The following EVA1A variants were observed in gnomAD, a reference collection of about 807,000 sequenced individuals.
The protein encoded by EVA1A is protein eva-1 homolog A.
In EVA1A, 7 loss-of-function variants were observed where a neutral mutation model predicts 9.8. The observed-to-expected ratio is 0.71, with a 90% confidence interval of 0.41 to 1.34. The LOEUF is 1.34. EVA1A is among the 40% of genes most tolerant of loss of function. The probability of loss-of-function intolerance (pLI) is 0.01; values close to 1 mark genes in which losing one functional copy is unlikely to be tolerated. For missense variants in EVA1A, 206 were observed against 205.9 expected (o/e 1.00, Z 0.00); for synonymous variants, 90 against 85.6 (o/e 1.05, Z -0.28).
chr2:75,523,392 A>G (rs1421234961), intron 1 of EVA1A, among the ~76,000 whole-genome samples: 1 of 152,234 alleles, frequency 6.6e-6, no homozygotes, highest in Admixed American at 6.5e-5. Context: ...GGTGAAAACT[A>G]TCAGGCACTG....
intron 3 of EVA1A, among the ~76,000 whole-genome samples, chr2:75,499,083 T>G (rs1310469460): frequency 6.6e-6 from 1 of 152,216 alleles, no homozygotes; most frequent in African/African-American, 2.4e-5. Flanking sequence ...TTATCTAGAT[T>G]CTAGATCAAC....
At chr2:75,518,546 A>C (rs1207264749) in intron 2 of EVA1A, 2 of 961,574 alleles carry the variant, frequency 2.1e-6, no homozygotes, top group African/African-American at 3.5e-5. Flanking sequence ...CTGGCTTTCA[A>C]GGAAGTAGAA....
intron 1 of EVA1A, among the ~76,000 whole-genome samples, chr2:75,546,780 A>C (rs935754323): frequency 1.3e-5 from 2 of 152,162 alleles, no homozygotes; most frequent in South Asian, 4.1e-4. Context: ...TAATCAAATT[A>C]AGACAAAGGC....
In EVA1A at chr2:75,543,237, T is replaced by C. The variant is rs145177768; in HGVS notation, c.-192+17443A>G. ...GCTGACAGACTTGTGGATCCTTAAT[T>C]CAGGACATTTTAAAAAGGCAATCAC... On this transcript the variant is annotated intron_variant, in intron 1 of 3. Transcript: ENST00000393913. Among the ~76,000 whole-genome samples the C allele has an allele frequency of 3.6e-3, 550 of 152,246 alleles. 5 individuals carry two copies. Among genetic ancestry groups the C allele is most frequent in the African/African-American group, 0.013 (531 of 41,532 alleles).
chr2:75,532,003 C>A (rs1675670901), intron 1 of EVA1A, among the ~76,000 whole-genome samples: 1 of 151,582 alleles, frequency 6.6e-6, no homozygotes, highest in East Asian at 1.9e-4. Context: ...ACTAAAAATA[C>A]AAAAAAATTA....
intron 3 of EVA1A, among the ~76,000 whole-genome samples, chr2:75,516,788 TA>T (rs1236310271): frequency 6.6e-6 from 1 of 152,256 alleles, no homozygotes; most frequent in African/African-American, 2.4e-5. Flanking sequence ...ACTACAGAGC[TA>T]AGGAAATTAT....
chr2:75,497,348 T>C (rs2103772577), intron 3 of EVA1A, among the ~76,000 whole-genome samples: 1 of 151,986 alleles, frequency 6.6e-6, no homozygotes, highest in African/African-American at 2.4e-5. Flanking sequence ...AAAAAATAAC[T>C]CTATTACAAA....
At chr2:75,569,352 C>G (rs1044479171) in intron 1 of EVA1A, 1 of 152,612 alleles carries the variant, frequency 6.6e-6, no homozygotes, top group Non-Finnish European at 1.5e-5. Flanking sequence ...TTAAAGTCCC[C>G]CATGGCTGCC....
In EVA1A at chr2:75,517,709, CATAGA is replaced by C. The variant is rs1336923576; in HGVS notation, c.85+342_85+346del. 1.9e-4 allele frequency: 133 copies of C among 690,324 alleles called. No homozygotes were observed. The African/African-American group carries it at 2.2e-3, about 11-fold the overall frequency. 42.8% of individuals were successfully genotyped at this position (690,324 alleles called of 1,614,324 possible). A position where few individuals can be genotyped will look rare whatever the true frequency, so the allele number is the denominator to read the frequency against. ...CAGGCAGCCTGTGTGAGGTTAACTG[CATAGA>C]ATAACCAGGCTGAGGTACTCCATCA... is the stretch of plus-strand genomic sequence containing the variant. On this transcript the variant is annotated intron_variant, in intron 3 of 3. Coordinates refer to ENST00000393913, the MANE Select transcript of EVA1A (RefSeq NM_001135032.2).
intron 1 of EVA1A, among the ~76,000 whole-genome samples, chr2:75,557,515 T>C (rs1676758106): frequency 6.6e-6 from 1 of 152,216 alleles, no homozygotes; most frequent in Non-Finnish European, 1.5e-5. Flanking sequence ...GCTGGTGGCA[T>C]TTATTCATCC....
At chr2:75,533,753 T>C (rs556294294) in intron 1 of EVA1A, among the ~76,000 whole-genome samples, 2 of 151,110 alleles carry the variant, frequency 1.3e-5, no homozygotes, top group African/African-American at 4.9e-5. Context: ...CTGGGCAACA[T>C]GGTGAGACCC....
intron 3 of EVA1A, among the ~76,000 whole-genome samples, chr2:75,503,775 A>T (rs1674513195): frequency 1.3e-5 from 2 of 152,182 alleles, no homozygotes; most frequent in Admixed American, 1.3e-4. Context: ...AGGTGAGTGG[A>T]GGGTAGGAGG....
At chr2:75,513,953 A>G (rs1285215545) in intron 3 of EVA1A, among the ~76,000 whole-genome samples, 1 of 152,222 alleles carries the variant, frequency 6.6e-6, no homozygotes, top group Non-Finnish European at 1.5e-5. Context: ...CTTAAACCAC[A>G]CAAAATTGTT....
At chr2:75,555,337 C>CTCTCT (rs1553421931) in intron 1 of EVA1A, among the ~76,000 whole-genome samples, 30 of 127,054 alleles carry the variant, frequency 2.4e-4, no homozygotes, top group Admixed American at 5.9e-4. Context: ...CTCTCTCTCT[C>CTCTCT]CCCCATCTCC....
At chr2:75,507,884 C>G (rs1674672857) in intron 3 of EVA1A, among the ~76,000 whole-genome samples, 1 of 152,098 alleles carries the variant, frequency 6.6e-6, no homozygotes, top group African/African-American at 2.4e-5. Context: ...AGTCAGGGAC[C>G]CTAAACGGAA....
At chr2:75,525,576 G>A (rs1675404836) in intron 1 of EVA1A, among the ~76,000 whole-genome samples, 1 of 152,188 alleles carries the variant, frequency 6.6e-6, no homozygotes, top group African/African-American at 2.4e-5. Flanking sequence ...TGCATTTGTG[G>A]TAGCTAACAC....
chr2:75,517,065 G>A (rs1675034626), intron 3 of EVA1A, among the ~76,000 whole-genome samples: 1 of 152,008 alleles, frequency 6.6e-6, no homozygotes. Context: ...AAGACCCTGA[G>A]CAGTCCTTTT....
chr2:75,512,029 T>A (rs934126797), intron 3 of EVA1A, among the ~76,000 whole-genome samples: 1 of 152,062 alleles, frequency 6.6e-6, no homozygotes, highest in South Asian at 2.1e-4. Flanking sequence ...TTGTTTATTT[T>A]AAAATTTTAT....
chr2:75,557,448 C>T (rs1234053994), intron 1 of EVA1A, among the ~76,000 whole-genome samples: 1 of 152,306 alleles, frequency 6.6e-6, no homozygotes, highest in East Asian at 1.9e-4. Context: ...ATGAGCCTTA[C>T]AATACATGGA....
Sources: gnomAD v4.1 joint callset for allele counts (sites outside exome capture counted in the v4.1 genomes callset) on GRCh38, gnomAD v4.1.1 for gene constraint, MANE v1.5 for transcripts, NCBI Gene and HGNC (gene_info 2026-07-23, HGNC 2026-07-21) for gene names.